The following DNMT3L variants were observed in gnomAD, a reference collection of about 807,000 sequenced individuals.
DNMT3L encodes DNA (cytosine-5)-methyltransferase 3-like.
In DNMT3L, 33 loss-of-function variants were observed where a neutral mutation model predicts 36.2. The ratio of observed to expected loss-of-function variants is 0.91; its 90% CI spans 0.69 to 1.22. The LOEUF (loss-of-function observed/expected upper bound fraction) is 1.22. DNMT3L is among the 50% of genes most tolerant of loss of function. The probability of loss-of-function intolerance (pLI) is 0.00; values close to 1 mark genes in which losing one functional copy is unlikely to be tolerated. For synonymous variants in DNMT3L, 117 were observed against 121.7 expected (o/e 0.96, Z 0.26); for missense variants, 310 against 303.1 (o/e 1.02, Z -0.17).
At chr21:44,260,269 CAAG>C (rs2040305496) in intron 3 of DNMT3L, among the ~76,000 whole-genome samples, 1 of 152,052 alleles carries the variant, frequency 6.6e-6, no homozygotes, top group South Asian at 2.1e-4. Context: ...AGAAGGGAAG[CAAG>C]AAGGGGGAAT....
chr21:44,258,195 C>T lies in DNMT3L; in HGVS notation c.516+328G>A, dbSNP rs908769877. ...TGGCTCCTCGGCTGGACTCCCAAAA[C>T]GGCCCACACCTGGCCAGCAGAAGCC... On this transcript the variant is annotated intron_variant, in intron 6 of 11. Coordinates refer to ENST00000628202, the MANE Select transcript of DNMT3L (RefSeq NM_175867.3). The surrounding 1 kb of genome is among the most constrained non-coding windows in gnomAD (Gnocchi z 6.2). Among the ~76,000 whole-genome samples the T allele has an allele frequency of 7.2e-5, 11 of 152,254 alleles. No homozygotes were observed. The highest frequency in any genetic ancestry group is 4.2e-4 in the South Asian group (2 of 4,816).
intron 7 of DNMT3L, 50 bp from the exon 8 acceptor site, chr21:44,254,755 C>T: frequency 6.3e-7 from 1 of 1,593,096 alleles, no homozygotes; most frequent in South Asian, 1.1e-5. Flanking sequence ...TGGATTGTGC[C>T]CCTACAGGGA....
In DNMT3L at chr21:44,261,311, C is replaced by G. The variant is rs535755434; in HGVS notation, c.-7-45G>C. The G allele has an allele frequency of 3.8e-3, 5,949 of 1,580,100 alleles. 13 individuals are homozygous for G. Among genetic ancestry groups the G allele is most frequent in the Non-Finnish European group, 4.9e-3 (5,629 of 1,155,838 alleles). On this transcript the variant is annotated intron_variant, in intron 1 of 11. Transcript: ENST00000628202. The stretch of plus-strand genomic sequence containing the variant: ...CACAGATGTGAGAAAGCCGTCAGCC[C>G]CTGCTCAGATCCCTGATGCACCCCA...
chr21:44,260,884 C>A, intron 2 of DNMT3L, 45 bp from the exon 3 acceptor site: 1 of 1,612,466 alleles, frequency 6.2e-7, no homozygotes, highest in Non-Finnish European at 8.5e-7. Context: ...TTCCTCTGAT[C>A]TCTTAATTTA....
chr21:44,260,718 A>G, intron 3 of DNMT3L, 77 bp downstream of exon 3: 1 of 1,597,672 alleles, frequency 6.3e-7, no homozygotes, highest in Non-Finnish European at 8.6e-7. Context: ...TTGGTCTCCC[A>G]AAGTGCTGGG....
At chr21:44,260,154 G>T (rs944960820) in intron 3 of DNMT3L, among the ~76,000 whole-genome samples, 3 of 152,084 alleles carry the variant, frequency 2.0e-5, no homozygotes, top group Non-Finnish European at 4.4e-5. Context: ...TGGCTTTTGG[G>T]CAGGAGTTGA....
At chr21:44,254,951 G>A (rs1039586902) in intron 7 of DNMT3L, among the ~76,000 whole-genome samples, 4 of 152,046 alleles carry the variant, frequency 2.6e-5, no homozygotes, top group Admixed American at 6.5e-5. Context: ...TCAACCTCCC[G>A]AGTAGCTGGG....
At chr21:44,261,036 C>T in intron 2 of DNMT3L, 118 bp downstream of exon 2, 1 of 1,411,274 alleles carries the variant, frequency 7.1e-7, no homozygotes, top group Non-Finnish European at 9.8e-7. Flanking sequence ...GAACCTCCTG[C>T]CCCAGCCCGG....
chr21:44,259,508 C>T lies in DNMT3L; in HGVS notation c.273G>A (p.Gly91=). The change falls in exon 5 of 12, where the codon GGG becomes GGA. Residue 91 remains glycine, a synonymous_variant. Coordinates refer to ENST00000628202, the MANE Select transcript of DNMT3L (RefSeq NM_175867.3). ...LDALFLYDDD[G]YQSYCSICCS... is the part of the protein sequence containing the mutation. ...AGCAGATGGAGCAGTAGGATTGGTACCCGTCATCGTCGTACAGGAAGAGGG... is the reference window on the plus strand; with the variant it reads ...AGCAGATGGAGCAGTAGGATTGGTATCCGTCATCGTCGTACAGGAAGAGGG... The T allele has an allele frequency of 6.2e-7, 1 of 1,613,698 alleles. No individual in the cohort carries two copies. The highest frequency in any genetic ancestry group is 8.5e-7 in the Non-Finnish European group (1 of 1,180,012).
chr21:44,259,446 T>C lies in DNMT3L; in HGVS notation c.335A>G (p.Asp112Gly). The C allele has an allele frequency of 6.2e-7, 1 of 1,613,536 alleles. No homozygotes were observed. The highest frequency in any genetic ancestry group is 1.1e-5 in the South Asian group (1 of 91,082). The change falls in exon 5 of 12, where the codon GAT becomes GGT. Residue 112 changes from aspartate (D) to glycine (G), a missense_variant. By Grantham distance (94) the Asp-to-Gly change is moderately conservative. Coordinates refer to ENST00000628202, the MANE Select transcript of DNMT3L (RefSeq NM_175867.3). ...AGGCCCCTCGCCTCACCGGGTGCAA[T>C]CAGGGTTTCCGCAGATGAGCAGCGT... ...GETLLICGNP[D>G]CTRCYCFECV...
chr21:44,258,409 G>C lies in DNMT3L; in HGVS notation c.516+114C>G. 1.4e-6 allele frequency: 2 copies of C among 1,387,758 alleles called. No homozygotes were observed. Among genetic ancestry groups the C allele is most frequent in the Non-Finnish European group, 1.9e-6 (2 of 1,047,600 alleles). The allele number at this position is 1,387,758 out of a possible 1,614,324, so 86.0% of individuals were successfully genotyped here. On this transcript the variant is annotated intron_variant, in intron 6 of 11. Transcript: ENST00000628202. This position sits in a 1 kb window ranked among gnomAD's most constrained non-coding sequence, Gnocchi z 6.2. ...AACCCAGGAAAGAGTGTTTGCTCCC[G>C]AGGCTGCAGCCGTGGTGCCCGTCGG... is the stretch of plus-strand genomic sequence containing the variant.
chr21:44,257,685 A>T (rs2040272756), intron 6 of DNMT3L, among the ~76,000 whole-genome samples: 1 of 46,294 alleles, frequency 2.2e-5, no homozygotes, highest in African/African-American at 1.6e-4. Context: ...CGTCTCAAAA[A>T]AAAAAAAAAA....
At chr21:44,257,691 A>AT (rs1174444651) in intron 6 of DNMT3L, among the ~76,000 whole-genome samples, 7 of 95,450 alleles carry the variant, frequency 7.3e-5, no homozygotes, top group East Asian at 5.2e-4. Context: ...AAAAAAAAAA[A>AT]AAAAATAAAT....
intron 6 of DNMT3L, among the ~76,000 whole-genome samples, chr21:44,257,696 A>T (rs1158997766): frequency 1.2e-3 from 71 of 58,870 alleles, no homozygotes; most frequent in Non-Finnish European, 1.7e-3. Flanking sequence ...AAAAAAAAAA[A>T]TAAATAAATA....
At chr21:44,260,228 G>C (rs1047378957) in intron 3 of DNMT3L, among the ~76,000 whole-genome samples, 7 of 152,126 alleles carry the variant, frequency 4.6e-5, no homozygotes, top group African/African-American at 1.7e-4. Context: ...CACGTTGAGA[G>C]AAAGTCGAGG....
At chr21:44,257,863 G>T (rs2040277101) in intron 6 of DNMT3L, among the ~76,000 whole-genome samples, 1 of 152,132 alleles carries the variant, frequency 6.6e-6, no homozygotes, top group Admixed American at 6.5e-5. Flanking sequence ...CTCTCCCCCA[G>T]CTCCTGGGGC....
rs1326537392 is a variant in DNMT3L at position 44,260,958 on chromosome 21, GCCATCCCGC to G, written c.107-128_107-120del. 3.4e-6 allele frequency: 5 copies of G among 1,488,852 alleles called. No individual in the cohort carries two copies. The African/African-American group carries it at 6.9e-5, about 21-fold the overall frequency. The allele number at this position is 1,488,852 out of a possible 1,614,324, so 92.2% of individuals were successfully genotyped here. On this transcript the variant is annotated intron_variant, in intron 2 of 11. Transcript: ENST00000628202. Reference sequence around the variant, plus strand: ...AAGTCACAGGAGCCTGAGGTCCCCTGCCATCCCGCCCTCACACCTTATCTTGGTGTGTTA... The same window carrying G: ...AAGTCACAGGAGCCTGAGGTCCCCTGCCTCACACCTTATCTTGGTGTGTTA...
At chr21:44,253,651 G>A (rs1054037461) in intron 8 of DNMT3L, among the ~76,000 whole-genome samples, 5 of 152,104 alleles carry the variant, frequency 3.3e-5, no homozygotes, top group Admixed American at 3.3e-4. Flanking sequence ...CCCTGGAGGC[G>A]GAGGTTGCAG....
At position 44,258,880 on chromosome 21, in the gene DNMT3L, C is replaced by T. The variant is rs918969269; in HGVS notation, c.345-186G>A. ...CCTAGAGACGCAGAGTGACAGGAGC[C>T]GAGCCAGGTGCAGAAGACAGGGAGG... On this transcript the variant is annotated intron_variant, in intron 5 of 11. Transcript: ENST00000628202. The surrounding 1 kb of genome is among the most constrained non-coding windows in gnomAD (Gnocchi z 6.2). Among the ~76,000 whole-genome samples the T allele has an allele frequency of 3.9e-5, 6 of 152,048 alleles. No individual in the cohort carries two copies. Among genetic ancestry groups the T allele is most frequent in the Middle Eastern group, 3.2e-3 (1 of 316 alleles).
Sources: gnomAD v4.1 joint callset for allele counts (sites outside exome capture counted in the v4.1 genomes callset) on GRCh38, gnomAD v4.1.1 for gene constraint, Gnocchi (gnomAD v3.1) non-coding constraint, MANE v1.5 for transcripts, NCBI Gene and HGNC (gene_info 2026-07-23, HGNC 2026-07-21) for gene names.